SSX5: variants seen among roughly 807,000 people sequenced by gnomAD.
SSX5 encodes SSX family member 5.
A neutral mutation model predicts 14.9 loss-of-function variants in SSX5; 14 were observed. The ratio of observed to expected loss-of-function variants is 0.94; its 90% CI spans 0.62 to 1.47. The LOEUF (loss-of-function observed/expected upper bound fraction) is 1.47, where lower values mean the gene tolerates loss of function less well. Ranked by LOEUF, SSX5 falls within the 40% of genes most tolerant of loss-of-function variation. SSX5 has a pLI of 0.00. For synonymous variants in SSX5, 70 were observed against 55.4 expected, an observed-to-expected ratio of 1.26 and a Z score of -1.17; for missense variants, 204 against 154.6, an observed-to-expected ratio of 1.32 and a Z score of -1.70.
chrX:48,196,719 G>T lies in SSX5; in HGVS notation c.-21+12C>A, dbSNP rs1268642187. On this transcript the variant is annotated intron_variant, in intron 1 of 7. Coordinates refer to ENST00000347757, the MANE Select transcript of SSX5 (RefSeq NM_175723.2). ...TAGGAAGAATGGAAAAAGAAAATCA[G>T]CAAATGCTTACTCTGATTTTGGAAG... is the stretch of plus-strand genomic sequence containing the variant. The T allele has an allele frequency of 9.0e-5, 10 of 111,310 alleles. No homozygotes were observed. Among genetic ancestry groups the T allele is most frequent in the Non-Finnish European group, 1.9e-4 (10 of 53,133 alleles). The allele number at this position is 111,310 out of a possible 1,213,427, so 9.2% of individuals were successfully genotyped here.
Position 48,186,797 on chromosome X carries a change from T to C in SSX5, c.*64A>G, listed in dbSNP as rs782263239. 71 of 1,196,309 alleles carry C rather than the reference T, an allele frequency of 5.9e-5. No homozygotes were observed. The African/African-American group carries it at 9.1e-4, about 15-fold the overall frequency. ...GACGAGGGATCCGCAGCCATGCCCA[T>C]GTTCGTGAAAGGTCACCACGTTCTG... On this transcript the variant is annotated 3_prime_UTR_variant, in exon 8 of 8. Transcript: ENST00000347757.
Position 48,186,365 on chromosome X carries a change from G to GGTGT in SSX5, c.*492_*495dup, listed in dbSNP as rs61004107. The GGTGT allele has an allele frequency of 8.1e-4, 106 of 130,435 alleles. 1 individual carries two copies. The highest frequency in any genetic ancestry group is 3.7e-3 in the African/African-American group (92 of 24,947). 10.7% of individuals were successfully genotyped at this position (130,435 alleles called of 1,213,427 possible). On this transcript the variant is annotated 3_prime_UTR_variant, in exon 8 of 8. Transcript: ENST00000347757. ...TTGGGAGATGCCTATACTGGTACTT[G>GGTGT]GTGTGTGTGTGTGTGTGTGTGTGTG...
At chrX:48,188,034 C>T (rs1440902826) in intron 6 of SSX5, among the ~76,000 whole-genome samples, 1 of 111,944 alleles carries the variant, frequency 8.9e-6, no homozygotes, top group Non-Finnish European at 1.9e-5. Context: ...TCATTCAGCA[C>T]GTATTTATTA....
At chrX:48,194,887 T>C in intron 2 of SSX5, 33 bp from the exon 3 acceptor site, 1 of 1,202,355 alleles carries the variant, frequency 8.3e-7, no homozygotes, top group African/African-American at 1.7e-5. Context: ...TGATAGTGAC[T>C]CAGCTAGGCA....
rs782428692 is a variant in SSX5 at position 48,187,722 on chromosome X, C to T, written c.476G>A (p.Arg159Lys). 3.3e-6 allele frequency: 4 copies of T among 1,208,343 alleles called. No homozygotes were observed. Among genetic ancestry groups the T allele is most frequent in the Non-Finnish European group, 4.5e-6 (4 of 894,051 alleles). Residue 159 changes from arginine to lysine, a missense_variant, in exon 7 of 8, where the codon AGG (arginine) becomes AAG (lysine). Physicochemically the swap from Arg to Lys is conservative, Grantham distance 26. Transcript: ENST00000347757. Reference protein sequence around the residue: ...EKVNKTSGPKRGKHAWTHRVR... With the variant: ...EKVNKTSGPKKGKHAWTHRVR... The stretch of plus-strand genomic sequence containing the variant: ...TCTGTGGGTCCAGGCATGTTTCCCC[C>T]TTTTGGGTCCTATGATGGAGAAGAG...
chrX:48,186,992 T>G (rs12842603), intron 7 of SSX5, 136 bp from the exon 8 acceptor site: 8 of 793,091 alleles, frequency 1.0e-5, no homozygotes, highest in South Asian at 4.2e-5. Flanking sequence ...ACGCCTTCCA[T>G]GGTTCCTTGA....
Position 48,187,678 on chromosome X carries a change from G to C in SSX5, c.520C>G (p.Leu174Val), listed in dbSNP as rs1464215383. The change falls in exon 7 of 8, where the codon CTG becomes GTG. Residue 174 changes from leucine (L) to valine (V), a missense_variant. Coordinates refer to ENST00000347757, the MANE Select transcript of SSX5 (RefSeq NM_175723.2). ...WTHRVRERKQ[L>V]VIYEEISDPQ... is the part of the protein sequence containing the mutation. ...TCGCTGATCTCTTCATAAATCACCA[G>C]TTGCTTTCTCTCACGCACTCTGTGG... is the stretch of plus-strand genomic sequence containing the variant. The C allele has an allele frequency of 5.8e-6, 7 of 1,207,957 alleles. No homozygotes were observed. Among genetic ancestry groups the C allele is most frequent in the Admixed American group, 2.2e-5 (1 of 45,733 alleles).
chrX:48,196,518 A>G (rs1285164064), intron 1 of SSX5, among the ~76,000 whole-genome samples: 3 of 109,389 alleles, frequency 2.7e-5, no homozygotes, highest in Non-Finnish European at 5.7e-5. Context: ...TGCTGGGATT[A>G]CAAGTGTGAG....
chrX:48,191,045 C>T (rs1388189205), intron 5 of SSX5, among the ~76,000 whole-genome samples: 1 of 110,068 alleles, frequency 9.1e-6, no homozygotes, highest in Non-Finnish European at 1.9e-5. Context: ...TCTGGGACTA[C>T]AGGCAGGCAC....
Position 48,186,789 on chromosome X carries a change from C to T in SSX5, c.*72G>A. 2 of 1,197,872 alleles carry T rather than the reference C, an allele frequency of 1.7e-6. No individual in the cohort carries two copies. The highest frequency in any genetic ancestry group is 2.2e-5 in the Admixed American group (1 of 46,050). ...CACCTGATGACGAGGGATCCGCAGC[C>T]ATGCCCATGTTCGTGAAAGGTCACC... is the stretch of plus-strand genomic sequence containing the variant. On this transcript the variant is annotated 3_prime_UTR_variant, in exon 8 of 8. Coordinates refer to ENST00000347757, the MANE Select transcript of SSX5 (RefSeq NM_175723.2).
At chrX:48,189,712 A>G (rs2079362960) in intron 6 of SSX5, among the ~76,000 whole-genome samples, 1 of 112,166 alleles carries the variant, frequency 8.9e-6, no homozygotes, top group South Asian at 3.7e-4. Flanking sequence ...GGAACTGAAC[A>G]TGCAATATCT....
intron 4 of SSX5, among the ~76,000 whole-genome samples, chrX:48,192,881 T>A (rs1347486404): frequency 2.7e-5 from 3 of 112,335 alleles, no homozygotes; most frequent in African/African-American, 9.7e-5. Flanking sequence ...GACCTTGTCT[T>A]ATAATTGTGT....
intron 5 of SSX5, among the ~76,000 whole-genome samples, chrX:48,191,420 T>C (rs1215434216): frequency 1.8e-5 from 2 of 111,709 alleles, no homozygotes; most frequent in Admixed American, 1.9e-4. Flanking sequence ...AATCTGCACT[T>C]GTAGGGTCAC....
intron 2 of SSX5, 35 bp from the exon 3 acceptor site, chrX:48,194,889 A>G: frequency 8.3e-7 from 1 of 1,204,602 alleles, no homozygotes; most frequent in Non-Finnish European, 1.1e-6. Flanking sequence ...ATAGTGACTC[A>G]GCTAGGCATG....
intron 1 of SSX5, among the ~76,000 whole-genome samples, chrX:48,196,245 C>G (rs1424389340): frequency 9.0e-6 from 1 of 111,019 alleles, no homozygotes; most frequent in African/African-American, 3.3e-5. Context: ...GTCAACATAG[C>G]GAAACAATTT....
intron 7 of SSX5, among the ~76,000 whole-genome samples, chrX:48,187,220 C>A (rs782042733): frequency 9.0e-6 from 1 of 111,093 alleles, no homozygotes; most frequent in Non-Finnish European, 1.9e-5. Flanking sequence ...CTTTGGGAGG[C>A]GGAGGCAGAT....
At position 48,187,637 on chromosome X, in the gene SSX5, G is replaced by A. The variant is rs782628762; in HGVS notation, c.561C>T (p.Asp187=). 3.3e-6 allele frequency: 4 copies of A among 1,208,834 alleles called. No individual in the cohort carries two copies. The highest frequency in any genetic ancestry group is 1.1e-6 in the Non-Finnish European group (1 of 894,474). Residue 187 remains aspartate (D), a synonymous_variant, in exon 7 of 8, where the codon GAC becomes GAT. Transcript: ENST00000347757. The part of the protein sequence containing the change: ...YEEISDPQED[D]E ...CAAAGGTTCACTTACGGAGTTACTC[G>A]TCATCTTCCTGAGGGTCGCTGATCT...
In SSX5 at chrX:48,192,015, T is replaced by G. The variant is rs375665651; in HGVS notation, c.330+217A>C. 1.5e-3 allele frequency among the ~76,000 whole-genome samples: 169 copies of G among 112,388 alleles called. 2 individuals carry two copies. The highest frequency in any genetic ancestry group is 5.3e-3 in the African/African-American group (165 of 30,992). On this transcript the variant is annotated intron_variant, in intron 5 of 7. Transcript: ENST00000347757. ...ATTAAATAAATTCATCCATGTGAAC[T>G]GCTTAAAATAGTATTTGGCATCACT...
At chrX:48,190,457 A>G (rs1293426761) in intron 5 of SSX5, among the ~76,000 whole-genome samples, 189 bp from the exon 6 acceptor site, 1 of 111,767 alleles carries the variant, frequency 8.9e-6, no homozygotes, top group African/African-American at 3.2e-5. Flanking sequence ...CTAACTGAAT[A>G]TGGTTTCCAG....
Sources: allele counts gnomAD v4.1 joint callset (sites outside exome capture counted in the v4.1 genomes callset), GRCh38; gene constraint gnomAD v4.1.1; transcripts MANE v1.5; gene names NCBI Gene and HGNC (gene_info 2026-07-23, HGNC 2026-07-21).